Variants in TNNT2 observed in about 807,000 individuals in gnomAD.
TNNT2 encodes the protein troponin T2, cardiac type.
A neutral mutation model predicts 62.4 loss-of-function variants in TNNT2; 34 were observed. That is an observed-to-expected ratio of 0.54 (90% CI 0.41 to 0.72). The LOEUF is 0.72. Ranked by LOEUF, TNNT2 falls within the 30% of genes least tolerant of loss-of-function variation. The pLI, the probability that TNNT2 is intolerant of heterozygous loss-of-function variation, is 0.00. For synonymous variants in TNNT2, 123 were observed against 127.2 expected (o/e 0.97, Z 0.22); for missense variants, 275 against 381.9 (o/e 0.72, Z 2.33).
At chr1:201,372,117 C>T (rs184482362) in intron 3 of TNNT2, 28 bp downstream of exon 3, 1 of 1,614,108 alleles carries the variant, frequency 6.2e-7, no homozygotes, top group Non-Finnish European at 8.5e-7. Flanking sequence ...TGTCTTTGAT[C>T]CAAATGAGTA....
chr1:201,372,176 T>C (rs1660723173), intron 2 of TNNT2, 21 bp from the exon 3 acceptor site: 2 of 1,614,120 alleles, frequency 1.2e-6, no homozygotes, highest in Non-Finnish European at 1.7e-6. Context: ...CAGGAAACAC[T>C]GTCAGTAGCT....
intron 5 of TNNT2, chr1:201,368,460 G>A (rs1167782693): frequency 1.6e-6 from 1 of 613,310 alleles, no homozygotes; most frequent in Non-Finnish European, 3.0e-6. Flanking sequence ...CTGATGATGG[G>A]ACTCCACCTC....
At chr1:201,364,260 T>TG (rs753679229) in intron 11 of TNNT2, 38 bp downstream of exon 11, 5 of 1,597,554 alleles carry the variant, frequency 3.1e-6, no homozygotes, top group Non-Finnish European at 3.4e-6. Context: ...GCTGGGAGCA[T>TG]GGGGGGCCTC....
intron 5 of TNNT2, 187 bp from the exon 6 acceptor site, chr1:201,368,414 C>A (rs1342052613): frequency 3.1e-5 from 21 of 674,270 alleles, no homozygotes; most frequent in Non-Finnish European, 5.1e-5. Flanking sequence ...CTACCTCCCG[C>A]CACCCAGCTT....
intron 1 of TNNT2, chr1:201,373,517 T>C: frequency 3.6e-6 from 2 of 551,660 alleles, no homozygotes; most frequent in Non-Finnish European, 6.6e-6. Context: ...CAATACTGCC[T>C]GGGATGCTGC....
At chr1:201,361,836 G>A in intron 14 of TNNT2, 77 bp downstream of exon 14, 1 of 1,361,456 alleles carries the variant, frequency 7.3e-7, no homozygotes, top group Admixed American at 1.7e-5. Flanking sequence ...GTGGCTCACA[G>A]CAAGAAGTGC....
chr1:201,373,233 C>T lies in TNNT2; in HGVS notation c.22G>A (p.Val8Met), dbSNP rs1480556319. ...ACTCACTCCTCCTCGTACTCTTCCA[C>T]CACCTCTTCTATGTCAGACATGGTC... Reference protein sequence around the residue: MSDIEEVVEEYEEEEQEE... With the variant: MSDIEEVMEEYEEEEQEE... Residue 8 changes from valine to methionine, a missense_variant, in exon 2 of 17, where the codon GTG (valine) becomes ATG (methionine). By Grantham distance (21) the Val-to-Met change is conservative. Coordinates refer to ENST00000656932, the MANE Select transcript of TNNT2 (RefSeq NM_001276345.2). The T allele has an allele frequency of 6.2e-7, 1 of 1,614,162 alleles. No homozygotes were observed.
intron 15 of TNNT2, chr1:201,360,951 G>A: frequency 2.5e-6 from 1 of 408,040 alleles, no homozygotes; most frequent in South Asian, 2.1e-5. Flanking sequence ...TCCACTGGGG[G>A]TCCTGGCTTG....
Position 201,364,180 on chromosome 1 carries a change from G to A in TNNT2, c.489+118C>T, listed in dbSNP as rs2001410. 0.11 allele frequency: 129,827 copies of A among 1,153,908 alleles called. 9,136 individuals carry two copies. Among genetic ancestry groups the A allele is most frequent in the African/African-American group, 0.29 (18,997 of 65,568 alleles). 71.5% of individuals were successfully genotyped at this position (1,153,908 alleles called of 1,614,324 possible). A position where few individuals can be genotyped will look rare whatever the true frequency, so the allele number is the denominator to read the frequency against. ...ATTACAGGCGTGAGCCACCGCACCCGGCCAATATTGTCTCTTGACTGATTT... is the reference window on the plus strand; with the variant it reads ...ATTACAGGCGTGAGCCACCGCACCCAGCCAATATTGTCTCTTGACTGATTT... On this transcript the variant is annotated intron_variant, in intron 11 of 16. Transcript: ENST00000656932.
chr1:201,369,797 G>A lies in TNNT2; in HGVS notation c.97+19C>T, dbSNP rs368794635. 3 of 1,614,036 alleles carry A rather than the reference G, an allele frequency of 1.9e-6. No homozygotes were observed. The African/African-American group carries it at 4.0e-5, about 22-fold the overall frequency. On this transcript the variant is annotated intron_variant, in intron 5 of 16. Transcript: ENST00000656932. Reference sequence around the variant, plus strand: ...ACAGCAGGCAGCAGAAAGCACCACAGAAGGAAAGGCTGTACTACCGTCTTC... The same window carrying A: ...ACAGCAGGCAGCAGAAAGCACCACAAAAGGAAAGGCTGTACTACCGTCTTC...
chr1:201,362,288 A>G (rs1558222112), intron 13 of TNNT2, 98 bp downstream of exon 13: 1 of 1,561,078 alleles, frequency 6.4e-7, no homozygotes, highest in Non-Finnish European at 8.7e-7. Flanking sequence ...CAGCCAGCCC[A>G]ATCTCTTCAC....
intron 2 of TNNT2, 166 bp downstream of exon 2, chr1:201,373,048 G>A (rs770830047): frequency 3.9e-6 from 3 of 770,162 alleles, no homozygotes; most frequent in East Asian, 2.5e-5. Context: ...TACAACCCAG[G>A]GGTACAGGAG....
At chr1:201,369,679 G>A (rs1660299189) in intron 5 of TNNT2, 137 bp downstream of exon 5, 1 of 1,004,054 alleles carries the variant, frequency 1.0e-6, no homozygotes. Flanking sequence ...TGGGAGGCAG[G>A]GGAGGAAACG....
chr1:201,366,359 C>T (rs1659656684), intron 8 of TNNT2: 1 of 925,402 alleles, frequency 1.1e-6, no homozygotes, highest in Non-Finnish European at 1.2e-6. Context: ...CTCCCTATCC[C>T]CCAGCCCCCC....
Position 201,359,206 on chromosome 1 carries a change from G to C in TNNT2, c.*4C>G. The C allele has an allele frequency of 6.2e-7, 1 of 1,609,282 alleles. No individual in the cohort carries two copies. Among genetic ancestry groups the C allele is most frequent in the Non-Finnish European group, 8.5e-7 (1 of 1,178,534 alleles). On this transcript the variant is annotated 3_prime_UTR_variant, in exon 17 of 17. Coordinates refer to ENST00000656932, the MANE Select transcript of TNNT2 (RefSeq NM_001276345.2). The stretch of plus-strand genomic sequence containing the variant: ...AGCAGATCTTTGGTGAAGGAGGCCA[G>C]GCTCTATTTCCAGCGCCCGGTGACT...
intron 11 of TNNT2, chr1:201,363,712 C>T (rs934318210): frequency 2.1e-5 from 9 of 425,864 alleles, no homozygotes; most frequent in Middle Eastern, 7.1e-4. Context: ...AAGAGAGCTA[C>T]GGGGCCTTCG....
chr1:201,367,054 A>G (rs189238945), intron 7 of TNNT2, 183 bp from the exon 8 acceptor site: 13 of 884,970 alleles, frequency 1.5e-5, no homozygotes, highest in Middle Eastern at 2.1e-4. Context: ...GGGGCTGCAG[A>G]TGCCACACTC....
At chr1:201,362,742 A>G (rs1021665132) in intron 12 of TNNT2, among the ~76,000 whole-genome samples, 2 of 152,190 alleles carry the variant, frequency 1.3e-5, no homozygotes, top group African/African-American at 4.8e-5. Context: ...TCCTCCCTCG[A>G]GAATGGAGGA....
At chr1:201,376,396 G>A (rs1206486840) in intron 1 of TNNT2, among the ~76,000 whole-genome samples, 2 of 152,082 alleles carry the variant, frequency 1.3e-5, no homozygotes, top group Middle Eastern at 3.2e-3. Context: ...AACAGTCTCC[G>A]AGTTTCTGAG....
Sources: gnomAD v4.1 joint callset for allele counts (sites outside exome capture counted in the v4.1 genomes callset) on GRCh38, gnomAD v4.1.1 for gene constraint, MANE v1.5 for transcripts, NCBI Gene and HGNC (gene_info 2026-07-23, HGNC 2026-07-21) for gene names.